The following GRIK4 variants were observed in gnomAD, a reference collection of about 807,000 sequenced individuals.
The protein encoded by GRIK4 is glutamate ionotropic receptor kainate type subunit 4.
A neutral mutation model predicts 104.9 loss-of-function variants in GRIK4; 40 were observed. That is an observed-to-expected ratio of 0.38 (90% CI 0.30 to 0.50). GRIK4 has a LOEUF of 0.50. GRIK4 is among the 20% of genes least tolerant of loss of function. The probability of loss-of-function intolerance (pLI) is 0.93; values close to 1 mark genes in which losing one functional copy is unlikely to be tolerated. For missense variants in GRIK4, 1,047 were observed against 1,308.1 expected, an observed-to-expected ratio of 0.80 and a Z score of 3.08; for synonymous variants, 485 against 524.9, an observed-to-expected ratio of 0.92 and a Z score of 1.04.
chr11:120,949,356 C>T (rs977969079), intron 14 of GRIK4, among the ~76,000 whole-genome samples: 1 of 152,190 alleles, frequency 6.6e-6, no homozygotes, highest in Non-Finnish European at 1.5e-5. Context: ...GTCCAAATGT[C>T]AAGGGAGCTA....
chr11:120,522,415 G>A (rs779121926), intron 1 of GRIK4, among the ~76,000 whole-genome samples: 8 of 152,052 alleles, frequency 5.3e-5, no homozygotes, highest in African/African-American at 1.2e-4. Flanking sequence ...TCCACCTTCC[G>A]GGTTCGAGCG....
chr11:120,811,502 T>C (rs1260530178), intron 4 of GRIK4, among the ~76,000 whole-genome samples: 5 of 152,186 alleles, frequency 3.3e-5, no homozygotes, highest in African/African-American at 1.2e-4. Context: ...ATGACAGTAA[T>C]AGTACCTATT....
intron 11 of GRIK4, among the ~76,000 whole-genome samples, chr11:120,878,916 T>C (rs1216914919): frequency 2.0e-5 from 3 of 152,120 alleles, no homozygotes; most frequent in Admixed American, 2.0e-4. Context: ...CCATTCAAGG[T>C]GATGCTGGGC....
At chr11:120,677,590 T>C (rs1950120264) in intron 3 of GRIK4, among the ~76,000 whole-genome samples, 1 of 152,248 alleles carries the variant, frequency 6.6e-6, no homozygotes, top group Non-Finnish European at 1.5e-5. Context: ...ATTTTGTTGG[T>C]ACATGTTCTA....
At chr11:120,698,616 T>C (rs1322135118) in intron 3 of GRIK4, among the ~76,000 whole-genome samples, 1 of 152,250 alleles carries the variant, frequency 6.6e-6, no homozygotes, top group African/African-American at 2.4e-5. Flanking sequence ...CCTTCATCTT[T>C]GAAAGCGATT....
At chr11:120,667,114 C>T (rs1169049968) in intron 3 of GRIK4, among the ~76,000 whole-genome samples, 1 of 152,206 alleles carries the variant, frequency 6.6e-6, no homozygotes, top group African/African-American at 2.4e-5. Flanking sequence ...CTAAGACCCC[C>T]TTCAGTCTGG....
intron 1 of GRIK4, among the ~76,000 whole-genome samples, chr11:120,638,724 G>A (rs113123399): frequency 1.3e-4 from 20 of 151,948 alleles, no homozygotes; most frequent in African/African-American, 3.6e-4. Flanking sequence ...TGATCCGCCC[G>A]TCTCGGCCTC....
At chr11:120,802,578 G>A in intron 3 of GRIK4, 115 bp from the exon 4 acceptor site, 1 of 864,124 alleles carries the variant, frequency 1.2e-6, no homozygotes, top group Non-Finnish European at 1.9e-6. Context: ...AGGATGGAGA[G>A]GAACTTGGGG....
intron 20 of GRIK4, among the ~76,000 whole-genome samples, chr11:120,984,206 T>C (rs1944699132): frequency 6.6e-6 from 1 of 152,218 alleles, no homozygotes; most frequent in East Asian, 1.9e-4. Context: ...ATGTTAGCGA[T>C]TTGGCTGTGG....
chr11:120,879,289 G>C (rs760328673), intron 11 of GRIK4, among the ~76,000 whole-genome samples: 1 of 152,224 alleles, frequency 6.6e-6, no homozygotes, highest in Non-Finnish European at 1.5e-5. Context: ...CTGCAAACCA[G>C]GACAGTGCCT....
intron 13 of GRIK4, among the ~76,000 whole-genome samples, chr11:120,933,841 A>G (rs1943532523): frequency 6.6e-6 from 1 of 152,114 alleles, no homozygotes; most frequent in Non-Finnish European, 1.5e-5. Context: ...GACCCGTCCC[A>G]TCCTCCCATT....
chr11:120,954,771 C>T (rs189297649), intron 15 of GRIK4, among the ~76,000 whole-genome samples: 3 of 145,144 alleles, frequency 2.1e-5, no homozygotes, highest in African/African-American at 2.5e-5. Flanking sequence ...CATACGGCCT[C>T]TCTCTCTCAC....
intron 3 of GRIK4, among the ~76,000 whole-genome samples, chr11:120,699,533 G>A (rs1022265385): frequency 3.2e-5 from 3 of 94,314 alleles, no homozygotes; most frequent in Non-Finnish European, 5.7e-5. Flanking sequence ...TAAGTCAGGT[G>A]TGTGTATGTG....
At chr11:120,957,591 A>ATTGTGTGTGTGTGTGTGTGTGTGTG (rs553062830) in intron 16 of GRIK4, among the ~76,000 whole-genome samples, 19 of 136,436 alleles carry the variant, frequency 1.4e-4, no homozygotes, top group Non-Finnish European at 2.5e-4. Flanking sequence ...GACAAAACAA[A>ATTGTGTGTGTGTGTGTGTGTGTGTG]TGTGTGTGTG....
intron 13 of GRIK4, among the ~76,000 whole-genome samples, chr11:120,911,673 C>A (rs1477425341): frequency 6.7e-6 from 1 of 150,310 alleles, no homozygotes; most frequent in Non-Finnish European, 1.5e-5. Flanking sequence ...GAAACCCCGT[C>A]TCTACTAAAA....
At chr11:120,957,056 T>A in intron 16 of GRIK4, 103 bp downstream of exon 16, 1 of 1,017,430 alleles carries the variant, frequency 9.8e-7, no homozygotes, top group Non-Finnish European at 1.4e-6. Context: ...AGCCTCTGCC[T>A]CTTACAGCAG....
chr11:120,724,844 C>T (rs1035482297), intron 3 of GRIK4, among the ~76,000 whole-genome samples: 3 of 152,170 alleles, frequency 2.0e-5, no homozygotes, highest in Non-Finnish European at 4.4e-5. Flanking sequence ...TCATATCACC[C>T]TCTTCACTCT....
chr11:120,565,925 T>TA (rs1011171529), intron 1 of GRIK4, among the ~76,000 whole-genome samples: 2 of 152,226 alleles, frequency 1.3e-5, no homozygotes, highest in African/African-American at 4.8e-5. Context: ...ACGTGGTTAT[T>TA]CTGGGCTTGG....
At chr11:120,521,013 C>T (rs1947791616) in intron 1 of GRIK4, among the ~76,000 whole-genome samples, 1 of 152,154 alleles carries the variant, frequency 6.6e-6, no homozygotes, top group Admixed American at 6.5e-5. Flanking sequence ...AGAGTTATTT[C>T]CAGGTGGGAG....
Sources: allele counts gnomAD v4.1 joint callset (sites outside exome capture counted in the v4.1 genomes callset), GRCh38; gene constraint gnomAD v4.1.1; transcripts MANE v1.5; gene names NCBI Gene and HGNC (gene_info 2026-07-23, HGNC 2026-07-21).